Variants in DYTN observed in about 807,000 individuals in gnomAD.
The protein encoded by DYTN is dystrotelin.
Under a neutral mutation model 69.6 loss-of-function variants are expected in DYTN, and 75 were observed. That is an observed-to-expected ratio of 1.08 (90% CI 0.89 to 1.31). The LOEUF (loss-of-function observed/expected upper bound fraction) is 1.31. Ranked by LOEUF, DYTN falls within the 50% of genes most tolerant of loss-of-function variation. The probability of loss-of-function intolerance (pLI) is 0.00; values close to 1 mark genes in which losing one functional copy is unlikely to be tolerated. For missense variants in DYTN, 726 were observed against 688.4 expected (o/e 1.05, Z -0.61); for synonymous variants, 252 against 249.1 (o/e 1.01, Z -0.11).
At chr2:206,655,409 C>A (rs1374284424) in intron 11 of DYTN, among the ~76,000 whole-genome samples, 5 of 151,634 alleles carry the variant, frequency 3.3e-5, no homozygotes, top group African/African-American at 1.2e-4. Context: ...CCATGCCCAG[C>A]TAAATTTTCT....
At chr2:206,676,168 G>A (rs1699683579) in intron 9 of DYTN, among the ~76,000 whole-genome samples, 1 of 152,128 alleles carries the variant, frequency 6.6e-6, no homozygotes, top group South Asian at 2.1e-4. Flanking sequence ...GCAAAGACTT[G>A]GAAGCAACCC....
chr2:206,668,127 A>G (rs1699593556), intron 9 of DYTN, among the ~76,000 whole-genome samples: 1 of 152,300 alleles, frequency 6.6e-6, no homozygotes, highest in South Asian at 2.1e-4. Context: ...ACAGCCAACA[A>G]CAAAAAAACA....
At chr2:206,717,853 A>C (rs1309555573) in intron 1 of DYTN, among the ~76,000 whole-genome samples, 1 of 152,178 alleles carries the variant, frequency 6.6e-6, no homozygotes, top group East Asian at 1.9e-4. Flanking sequence ...TATAGTGACA[A>C]CTGTGAGACC....
intron 10 of DYTN, 88 bp from the exon 11 acceptor site, chr2:206,663,483 A>G: frequency 7.3e-7 from 1 of 1,367,422 alleles, no homozygotes; most frequent in Non-Finnish European, 9.7e-7. Flanking sequence ...CCAACAGAAC[A>G]TTCTAATGCA....
Position 206,651,941 on chromosome 2 carries a change from G to A in DYTN, c.1634-20C>T. ...CCGGGCCTGAAATCAACAAACAAGAGAGTCATTTAGAGAAACATACCGGTA... is the reference window on the plus strand; with the variant it reads ...CCGGGCCTGAAATCAACAAACAAGAAAGTCATTTAGAGAAACATACCGGTA... On this transcript the variant is annotated intron_variant, in intron 11 of 11. Transcript: ENST00000452335. 1.3e-6 allele frequency: 2 copies of A among 1,597,312 alleles called. No individual in the cohort carries two copies. The highest frequency in any genetic ancestry group is 1.1e-5 in the South Asian group (1 of 89,172).
intron 11 of DYTN, among the ~76,000 whole-genome samples, chr2:206,662,373 GAAAT>G (rs1330801286): frequency 6.6e-6 from 1 of 152,066 alleles, no homozygotes; most frequent in African/African-American, 2.4e-5. Context: ...ACCCTAATGA[GAAAT>G]AAGACAATGG....
chr2:206,703,251 TC>T (rs1343561747), intron 5 of DYTN, among the ~76,000 whole-genome samples: 1 of 152,134 alleles, frequency 6.6e-6, no homozygotes, highest in Admixed American at 6.6e-5. Flanking sequence ...CCTCAGCTCA[TC>T]CCCTTTCATC....
chr2:206,703,685 T>C (rs540516035), intron 5 of DYTN, among the ~76,000 whole-genome samples: 1 of 152,284 alleles, frequency 6.6e-6, no homozygotes, highest in African/African-American at 2.4e-5. Context: ...GTCCTAGAGA[T>C]TTTTATTATC....
intron 11 of DYTN, among the ~76,000 whole-genome samples, chr2:206,658,553 A>G (rs1699473797): frequency 1.3e-5 from 2 of 152,106 alleles, no homozygotes; most frequent in African/African-American, 4.8e-5. Context: ...GTTTTTAAGC[A>G]TCTCTCAGGC....
chr2:206,683,129 G>GA (rs1300846897), intron 9 of DYTN, among the ~76,000 whole-genome samples: 1 of 151,960 alleles, frequency 6.6e-6, no homozygotes, highest in Non-Finnish European at 1.5e-5. Flanking sequence ...AGAAATATTG[G>GA]AAAAAATTTA....
chr2:206,686,088 C>A (rs1197661818), intron 9 of DYTN, among the ~76,000 whole-genome samples: 2 of 151,986 alleles, frequency 1.3e-5, no homozygotes, highest in East Asian at 1.9e-4. Flanking sequence ...GGCCACAGAC[C>A]CTTTGCTGTG....
chr2:206,697,659 C>T (rs1699933226), intron 7 of DYTN, among the ~76,000 whole-genome samples: 1 of 152,044 alleles, frequency 6.6e-6, no homozygotes, highest in Non-Finnish European at 1.5e-5. Context: ...CAAAACAAAC[C>T]AAAAAACAAA....
At chr2:206,683,673 C>T (rs772748682) in intron 9 of DYTN, among the ~76,000 whole-genome samples, 10 of 152,010 alleles carry the variant, frequency 6.6e-5, no homozygotes, top group Non-Finnish European at 1.3e-4. Context: ...TCTCCTTCCT[C>T]ATCCCACTCA....
Position 206,693,286 on chromosome 2 carries a change from G to A in DYTN, c.869C>T (p.Thr290Ile). 1.2e-6 allele frequency: 2 copies of A among 1,613,276 alleles called. No homozygotes were observed. The highest frequency in any genetic ancestry group is 8.5e-7 in the Non-Finnish European group (1 of 1,179,866). ...CCCCTGAAGAAGGTTGTTTCTGAGG[G>A]TCCTGAAGAGAAGTTTTGTATTCTG... is the stretch of plus-strand genomic sequence containing the variant. ...AMQNTKLLFR[T>I]LRNNLLQGRC... Residue 290 changes from threonine to isoleucine, a missense_variant, in exon 9 of 12, where the codon ACC (threonine) becomes ATC (isoleucine). Coordinates refer to ENST00000452335, the MANE Select transcript of DYTN (RefSeq NM_001093730.1).
intron 11 of DYTN, among the ~76,000 whole-genome samples, chr2:206,652,866 T>C (rs1446004256): frequency 1.3e-5 from 2 of 152,190 alleles, no homozygotes; most frequent in African/African-American, 2.4e-5. Flanking sequence ...TGATGATGAA[T>C]TCATTTTTTA....
At chr2:206,667,691 C>CGTGCGTGTGTGTGT (rs1251338204) in intron 9 of DYTN, among the ~76,000 whole-genome samples, 2 of 130,368 alleles carry the variant, frequency 1.5e-5, no homozygotes, top group African/African-American at 6.0e-5. Flanking sequence ...GGCAACTTTG[C>CGTGCGTGTGTGTGT]GTGTGCGTGT....
chr2:206,678,826 T>C (rs967733699), intron 9 of DYTN, among the ~76,000 whole-genome samples: 5 of 152,234 alleles, frequency 3.3e-5, no homozygotes, highest in African/African-American at 1.2e-4. Context: ...AAACTTTCTA[T>C]AATAAATGTA....
chr2:206,688,065 A>C (rs1699831233), intron 9 of DYTN, among the ~76,000 whole-genome samples: 1 of 152,240 alleles, frequency 6.6e-6, no homozygotes. Context: ...ATTTAAATAC[A>C]GTAGATTATG....
chr2:206,695,152 G>A lies in DYTN; in HGVS notation c.720-275C>T, dbSNP rs150374380. On this transcript the variant is annotated intron_variant, in intron 7 of 11. Coordinates refer to ENST00000452335, the MANE Select transcript of DYTN (RefSeq NM_001093730.1). ...AAGTCTGATTTATTTCCCAAAATAC[G>A]AAGTGCCTTCTATATGCAGGGTGCT... 2.2e-3 allele frequency among the ~76,000 whole-genome samples: 330 copies of A among 152,234 alleles called. 1 individual carries two copies. Among genetic ancestry groups the A allele is most frequent in the African/African-American group, 7.5e-3 (313 of 41,550 alleles).
Sources: allele counts gnomAD v4.1 joint callset (sites outside exome capture counted in the v4.1 genomes callset), GRCh38; gene constraint gnomAD v4.1.1; transcripts MANE v1.5; gene names NCBI Gene and HGNC (gene_info 2026-07-23, HGNC 2026-07-21).